HERC1: variants seen among roughly 807,000 people sequenced by gnomAD.
HERC1 encodes probable E3 ubiquitin-protein ligase HERC1.
Under a neutral mutation model 554.3 loss-of-function variants are expected in HERC1, and 160 were observed. The ratio of observed to expected loss-of-function variants is 0.29; its 90% CI spans 0.25 to 0.33. The LOEUF (loss-of-function observed/expected upper bound fraction) is 0.33, where lower values mean the gene tolerates loss of function less well. Ranked by LOEUF, HERC1 falls within the 10% of genes least tolerant of loss-of-function variation. HERC1 has a pLI of 1.00. For synonymous variants in HERC1, 2,175 were observed against 2,131.7 expected (o/e 1.02, Z -0.56); for missense variants, 4,919 against 5,918.5 (o/e 0.83, Z 5.54).
At chr15:63,815,080 C>A (rs1217656471) in intron 1 of HERC1, among the ~76,000 whole-genome samples, 1 of 152,170 alleles carries the variant, frequency 6.6e-6, no homozygotes, top group Admixed American at 6.5e-5. Context: ...TCTACCTCCC[C>A]TAGAAGTATA....
chr15:63,723,182 C>T lies in HERC1; in HGVS notation c.3742G>A (p.Asp1248Asn). The T allele has an allele frequency of 6.9e-7, 1 of 1,451,502 alleles. No homozygotes were observed. The highest frequency in any genetic ancestry group is 9.2e-7 in the Non-Finnish European group (1 of 1,092,556). 89.9% of individuals were successfully genotyped at this position (1,451,502 alleles called of 1,614,324 possible). Residue 1248 changes from aspartate (D) to asparagine (N), a missense_variant and splice_region_variant, in exon 19 of 78, where the codon GAT becomes AAT. This residue lies in a region of HERC1 where 1,121 missense variants were observed against 1,244.0 expected (regional missense o/e 0.90). Coordinates refer to ENST00000443617, the MANE Select transcript of HERC1 (RefSeq NM_003922.4). ...ISMQDYAVSK[D>N]WDSATLSNES... The stretch of plus-strand genomic sequence containing the variant: ...ACTCCCTTTATCTTCTTTATCTTAC[C>T]TTTACTAACAGCATAGTCCTGCATG...
At chr15:63,696,388 A>G (rs747351566) in intron 26 of HERC1, 49 bp from the exon 27 acceptor site, 5 of 1,352,522 alleles carry the variant, frequency 3.7e-6, no homozygotes, top group African/African-American at 2.9e-5. Context: ...CTCAGACATG[A>G]TGAAACTCTG....
In HERC1 at chr15:63,612,162, T is replaced by C; in HGVS notation, c.14400+89A>G. ...AAAATCATGCCACTGCACTCCAGCC[T>C]GGGCCACAGAGTGAGACCCTGTCTC... On this transcript the variant is annotated intron_variant, in intron 77 of 77. Transcript: ENST00000443617. The surrounding 1 kb of genome is among the most constrained non-coding windows in gnomAD (Gnocchi z 5.0). 1 of 1,211,792 alleles carries C rather than the reference T, an allele frequency of 8.3e-7. No individual in the cohort carries two copies. The highest frequency in any genetic ancestry group is 1.1e-6 in the Non-Finnish European group (1 of 872,166). The allele number at this position is 1,211,792 out of a possible 1,614,324, so 75.1% of individuals were successfully genotyped here. A position where few individuals can be genotyped will look rare whatever the true frequency, so the allele number is the denominator to read the frequency against.
chr15:63,692,142 T>C lies in HERC1; in HGVS notation c.5830+269A>G, dbSNP rs1197236954. On this transcript the variant is annotated intron_variant, in intron 31 of 77. Transcript: ENST00000443617. This position sits in a 1 kb window ranked among gnomAD's most constrained non-coding sequence, Gnocchi z 4.7. ...ATATCGTATTAAACAGGATGTTCTC[T>C]GCTTACTCTTAGGTTTGTAATCTGA... Among the ~76,000 whole-genome samples the C allele has an allele frequency of 2.0e-5, 3 of 152,246 alleles. No individual in the cohort carries two copies. Among genetic ancestry groups the C allele is most frequent in the African/African-American group, 7.2e-5 (3 of 41,464 alleles).
intron 62 of HERC1, 23 bp downstream of exon 62, chr15:63,638,688 C>G: frequency 1.2e-6 from 2 of 1,602,234 alleles, no homozygotes; most frequent in Non-Finnish European, 1.7e-6. Flanking sequence ...AACCATCATA[C>G]AGTTATCTTC....
At chr15:63,664,315 G>A (rs1319709278) in intron 43 of HERC1, among the ~76,000 whole-genome samples, 155 bp downstream of exon 43, 6 of 152,196 alleles carry the variant, frequency 3.9e-5, no homozygotes, top group African/African-American at 9.7e-5. Flanking sequence ...ATAAAATTAT[G>A]TAAATGCATA....
intron 57 of HERC1, among the ~76,000 whole-genome samples, chr15:63,644,023 G>A (rs1265923081): frequency 6.6e-6 from 1 of 152,158 alleles, no homozygotes; most frequent in African/African-American, 2.4e-5. Context: ...AGTGACATAG[G>A]TAAGGCCTGT....
intron 1 of HERC1, among the ~76,000 whole-genome samples, chr15:63,824,990 G>A (rs35216087): frequency 0.46 from 69,762 of 151,942 alleles, 17,135 homozygotes; most frequent in Non-Finnish European, 0.55. Context: ...TATGTAGGAT[G>A]AATAAATCTA....
chr15:63,661,297 A>G (rs986518947), intron 45 of HERC1, among the ~76,000 whole-genome samples: 1 of 152,216 alleles, frequency 6.6e-6, no homozygotes, highest in African/African-American at 2.4e-5. Context: ...ATAAAGCCTT[A>G]AAGATTTTAA....
At chr15:63,635,208 TG>T (rs2068730159) in intron 65 of HERC1, among the ~76,000 whole-genome samples, 1 of 152,096 alleles carries the variant, frequency 6.6e-6, no homozygotes, top group African/African-American at 2.4e-5. Context: ...CTACCACACC[TG>T]GCTATTTATT....
At chr15:63,668,223 C>T (rs761082158) in intron 40 of HERC1, among the ~76,000 whole-genome samples, 37 of 151,908 alleles carry the variant, frequency 2.4e-4, no homozygotes, top group Admixed American at 4.6e-4. Flanking sequence ...CATACACACC[C>T]CAATTAAAAG....
At position 63,692,019 on chromosome 15, in the gene HERC1, A is replaced by G. The variant is rs923893076; in HGVS notation, c.5830+392T>C. ...TAAATATCAAACAATCAGAAGTCACAATCAAGGCAACAGAAATCACATTAT... is the reference window on the plus strand; with the variant it reads ...TAAATATCAAACAATCAGAAGTCACGATCAAGGCAACAGAAATCACATTAT... On this transcript the variant is annotated intron_variant, in intron 31 of 77. Coordinates refer to ENST00000443617, the MANE Select transcript of HERC1 (RefSeq NM_003922.4). This position sits in a 1 kb window ranked among gnomAD's most constrained non-coding sequence, Gnocchi z 4.7. Among the ~76,000 whole-genome samples the G allele has an allele frequency of 7.2e-5, 11 of 152,228 alleles. No homozygotes were observed. The highest frequency in any genetic ancestry group is 2.4e-4 in the African/African-American group (10 of 41,460).
intron 25 of HERC1, among the ~76,000 whole-genome samples, chr15:63,700,184 T>C (rs541300524): frequency 6.6e-6 from 1 of 152,086 alleles, no homozygotes; most frequent in Admixed American, 6.5e-5. Flanking sequence ...AGAGTATCAT[T>C]TTATATCACC....
intron 1 of HERC1, among the ~76,000 whole-genome samples, chr15:63,776,231 GCTAT>G (rs1433058598): frequency 6.6e-6 from 1 of 151,890 alleles, no homozygotes; most frequent in African/African-American, 2.4e-5. Flanking sequence ...CCTCCACATG[GCTAT>G]CTAACAGTTT....
chr15:63,663,413 T>C (rs920971130), intron 43 of HERC1, among the ~76,000 whole-genome samples: 5 of 152,196 alleles, frequency 3.3e-5, no homozygotes, highest in Non-Finnish European at 2.9e-5. Flanking sequence ...CACTGGGTTA[T>C]TGATAGGTTT....
At position 63,755,796 on chromosome 15, in the gene HERC1, A is replaced by T. The variant is rs370443907; in HGVS notation, c.1534-471T>A. ...AACCTAACAAAAAAAGAAAGAAAGA[A>T]AAGAGAGGAAGAGAGAGGAGGGGAG... On this transcript the variant is annotated intron_variant, in intron 5 of 77. Transcript: ENST00000443617. 1.7e-4 allele frequency among the ~76,000 whole-genome samples: 26 copies of T among 152,228 alleles called. No individual in the cohort carries two copies. In the Middle Eastern group the frequency reaches 0.01, roughly 60 times the overall value.
At chr15:63,733,405 G>A (rs751666603) in intron 13 of HERC1, among the ~76,000 whole-genome samples, 52 of 152,142 alleles carry the variant, frequency 3.4e-4, no homozygotes, top group Non-Finnish European at 7.1e-4. Context: ...TATGCATAAT[G>A]ATTTTAGTAC....
chr15:63,658,795 T>C, intron 47 of HERC1, 77 bp from the exon 48 acceptor site: 5 of 1,174,288 alleles, frequency 4.3e-6, no homozygotes, highest in Non-Finnish European at 5.9e-6. Context: ...CATTTCCTAT[T>C]CTACAGAGGT....
At chr15:63,719,512 A>G (rs1351381624) in intron 19 of HERC1, among the ~76,000 whole-genome samples, 1 of 152,276 alleles carries the variant, frequency 6.6e-6, no homozygotes, top group Non-Finnish European at 1.5e-5. Context: ...GAGAAGCAGC[A>G]TTAGAAGGCT....
Sources: allele counts gnomAD v4.1 joint callset (sites outside exome capture counted in the v4.1 genomes callset), GRCh38; gene constraint gnomAD v4.1.1; regional missense constraint gnomAD v4.1.1; non-coding constraint Gnocchi (gnomAD v3.1); transcripts MANE v1.5; gene names NCBI Gene and HGNC (gene_info 2026-07-23, HGNC 2026-07-21).